IL21R: variants seen among roughly 807,000 people sequenced by gnomAD.
IL21R encodes interleukin 21 receptor, also known as interleukin-21 receptor.
In IL21R, 14 loss-of-function variants were observed where a neutral mutation model predicts 41.3. That is an observed-to-expected ratio of 0.34 (90% confidence interval 0.22 to 0.53). The LOEUF (loss-of-function observed/expected upper bound fraction) is 0.53. Ranked by LOEUF, IL21R falls within the 20% of genes least tolerant of loss-of-function variation. The pLI, the probability that IL21R is intolerant of heterozygous loss-of-function variation, is 0.94. For synonymous variants in IL21R, 286 were observed against 287.6 expected (o/e 0.99, Z 0.05); for missense variants, 588 against 681.6 (o/e 0.86, Z 1.53).
At chr16:27,430,642 C>G (rs544073268) in intron 2 of IL21R, among the ~76,000 whole-genome samples, 2 of 152,130 alleles carry the variant, frequency 1.3e-5, no homozygotes, top group East Asian at 3.9e-4. Flanking sequence ...ATGGTGAAGC[C>G]CTGTCTCTAC....
intron 4 of IL21R, among the ~76,000 whole-genome samples, chr16:27,441,700 G>A (rs2141303777): frequency 6.6e-6 from 1 of 152,308 alleles, no homozygotes; most frequent in African/African-American, 2.4e-5. Flanking sequence ...ATTTTTGGAT[G>A]GGTTGCTAAC....
At chr16:27,442,376 G>A (rs1477605669) in intron 4 of IL21R, among the ~76,000 whole-genome samples, 5 of 151,944 alleles carry the variant, frequency 3.3e-5, no homozygotes, top group South Asian at 4.2e-4. Flanking sequence ...ATTTTTGTTC[G>A]TTTTTGAGAT....
intron 2 of IL21R, among the ~76,000 whole-genome samples, chr16:27,430,921 T>C (rs962219261): frequency 6.6e-6 from 1 of 152,182 alleles, no homozygotes; most frequent in Non-Finnish European, 1.5e-5. Flanking sequence ...AAAAGGAGAC[T>C]GAACCTTGGT....
chr16:27,426,721 C>T (rs1310973964), intron 1 of IL21R, among the ~76,000 whole-genome samples: 11 of 152,228 alleles, frequency 7.2e-5, no homozygotes, highest in Non-Finnish European at 1.5e-4. Context: ...CTATTGTCCC[C>T]ATTTCAGAGA....
intron 2 of IL21R, among the ~76,000 whole-genome samples, chr16:27,432,058 C>A (rs954702927): frequency 1.3e-5 from 2 of 152,236 alleles, no homozygotes; most frequent in African/African-American, 4.8e-5. Context: ...CCTCTTATAG[C>A]ATCAATAATT....
chr16:27,407,368 T>G (rs1489121799), intron 1 of IL21R, among the ~76,000 whole-genome samples: 1 of 152,182 alleles, frequency 6.6e-6, no homozygotes, highest in Non-Finnish European at 1.5e-5. Flanking sequence ...TACAGAGATC[T>G]GTGGCGTAGA....
chr16:27,444,189 AACTGTTGAAGAAT>A, intron 5 of IL21R, among the ~76,000 whole-genome samples: 1 of 151,348 alleles, frequency 6.6e-6, no homozygotes, highest in African/African-American at 2.4e-5. Context: ...GAATGTCCTC[AACTGTTGAAGAAT>A]TCCAAAAGTA....
At position 27,448,841 on chromosome 16, in the gene IL21R, G is replaced by A. The variant is rs1214841017; in HGVS notation, c.1175G>A (p.Cys392Tyr). ...LDAEGPCTWP[C>Y]SCEDDGYPAL... ...GCAGAGGGGCCATGCACCTGGCCCTGCAGCTGTGAGGATGACGGCTACCCA... is the reference window on the plus strand; with the variant it reads ...GCAGAGGGGCCATGCACCTGGCCCTACAGCTGTGAGGATGACGGCTACCCA... The change falls in exon 9 of 9, where the codon TGC (cysteine) becomes TAC (tyrosine). Residue 392 changes from cysteine (C) to tyrosine (Y), a missense_variant. Physicochemically the swap from Cys to Tyr is radical, Grantham distance 194. Coordinates refer to ENST00000337929, the MANE Select transcript of IL21R (RefSeq NM_181078.3). The A allele has an allele frequency of 6.2e-7, 1 of 1,613,124 alleles. No homozygotes were observed. Among genetic ancestry groups the A allele is most frequent in the African/African-American group, 1.3e-5 (1 of 74,936 alleles).
intron 2 of IL21R, among the ~76,000 whole-genome samples, chr16:27,430,776 G>A (rs931999658): frequency 1.9e-4 from 29 of 152,198 alleles, no homozygotes; most frequent in Admixed American, 9.8e-4. Flanking sequence ...GGTGACAACT[G>A]TACTCCAGCC....
chr16:27,442,199 C>T (rs897865186), intron 4 of IL21R, among the ~76,000 whole-genome samples: 10 of 151,770 alleles, frequency 6.6e-5, no homozygotes, highest in African/African-American at 2.4e-4. Context: ...TGTAGGCATG[C>T]GTTTGGGTGT....
Position 27,449,442 on chromosome 16 carries a change from GTGTGTGTGCATATGCA to G in IL21R, c.*168_*183del. 1.4e-6 allele frequency: 1 copy of G among 696,344 alleles called. No homozygotes were observed. Among genetic ancestry groups the G allele is most frequent in the Non-Finnish European group, 2.3e-6 (1 of 427,092 alleles). The allele number at this position is 696,344 out of a possible 1,614,324, so 43.1% of individuals were successfully genotyped here. ...TGTCTGTGTGTGTGTGTGCATATGT[GTGTGTGTGCATATGCA>G]TGTGTGTGTGTGTGTGTGTCTTAGG... is the stretch of plus-strand genomic sequence containing the variant. On this transcript the variant is annotated 3_prime_UTR_variant, in exon 9 of 9. Transcript: ENST00000337929.
chr16:27,446,690 G>A (rs1471944758), intron 8 of IL21R, among the ~76,000 whole-genome samples: 1 of 152,202 alleles, frequency 6.6e-6, no homozygotes. Context: ...GTGGTCTCCT[G>A]AGTCACAGAT....
At chr16:27,419,062 A>C (rs1406532920) in intron 1 of IL21R, among the ~76,000 whole-genome samples, 1 of 152,050 alleles carries the variant, frequency 6.6e-6, no homozygotes, top group African/African-American at 2.4e-5. Context: ...CTAAAAATAC[A>C]AAATTGGCCA....
intron 8 of IL21R, among the ~76,000 whole-genome samples, chr16:27,447,350 C>G (rs757583220): frequency 6.6e-6 from 1 of 152,008 alleles, no homozygotes; most frequent in Admixed American, 6.6e-5. Context: ...AACTGAGGCA[C>G]CGAGAGGGTA....
At chr16:27,420,667 C>T (rs1254466133) in intron 1 of IL21R, among the ~76,000 whole-genome samples, 2 of 152,178 alleles carry the variant, frequency 1.3e-5, no homozygotes, top group African/African-American at 2.4e-5. Context: ...CCTTTTAGAT[C>T]TTGAGTTGCA....
chr16:27,415,822 C>T (rs758030470), intron 1 of IL21R, among the ~76,000 whole-genome samples: 6 of 152,214 alleles, frequency 3.9e-5, no homozygotes, highest in Non-Finnish European at 8.8e-5. Context: ...TGGCTATATT[C>T]CCAGGACCCC....
At chr16:27,420,626 A>G (rs1430378108) in intron 1 of IL21R, among the ~76,000 whole-genome samples, 1 of 152,188 alleles carries the variant, frequency 6.6e-6, no homozygotes, top group African/African-American at 2.4e-5. Flanking sequence ...GTCTATCCAA[A>G]TCTTTTGCCC....
intron 4 of IL21R, among the ~76,000 whole-genome samples, chr16:27,440,167 G>A (rs2087354733): frequency 6.8e-6 from 1 of 147,090 alleles, no homozygotes; most frequent in Non-Finnish European, 1.5e-5. Context: ...AGGATCACAG[G>A]CAGCCTTAGA....
chr16:27,435,423 G>A (rs542464735), intron 3 of IL21R, among the ~76,000 whole-genome samples: 2 of 151,826 alleles, frequency 1.3e-5, no homozygotes, highest in Non-Finnish European at 2.9e-5. Context: ...AACCAACAAG[G>A]TGCTTTCTCT....
Sources: gnomAD v4.1 joint callset for allele counts (sites outside exome capture counted in the v4.1 genomes callset) on GRCh38, gnomAD v4.1.1 for gene constraint, MANE v1.5 for transcripts, NCBI Gene and HGNC (gene_info 2026-07-23, HGNC 2026-07-21) for gene names.